The following MEI4 variants were observed in gnomAD, a reference collection of about 807,000 sequenced individuals.
The protein encoded by MEI4 is meiosis-specific protein MEI4.
In MEI4, 27 loss-of-function variants were observed where a neutral mutation model predicts 31.4. That is an observed-to-expected ratio of 0.86 (90% CI 0.63 to 1.19). MEI4 has a LOEUF of 1.19. MEI4 is among the 50% of genes most tolerant of loss of function. MEI4 has a pLI of 0.00. For missense variants in MEI4, 329 were observed against 398.9 expected (o/e 0.82, Z 1.49); for synonymous variants, 122 against 145.4 (o/e 0.84, Z 1.16).
At chr6:77,727,448 G>T (rs928617632) in intron 2 of MEI4, among the ~76,000 whole-genome samples, 11 of 152,272 alleles carry the variant, frequency 7.2e-5, no homozygotes, top group African/African-American at 2.6e-4. Flanking sequence ...GCATTTACCA[G>T]GGACAGTCTG....
chr6:77,663,866 T>A (rs1562196804), intron 1 of MEI4, among the ~76,000 whole-genome samples: 1 of 152,120 alleles, frequency 6.6e-6, no homozygotes, highest in Non-Finnish European at 1.5e-5. Flanking sequence ...TCAGAGAGCC[T>A]TGGGCCAGAG....
intron 2 of MEI4, among the ~76,000 whole-genome samples, chr6:77,734,865 A>T (rs1767137050): frequency 6.6e-6 from 1 of 151,766 alleles, no homozygotes; most frequent in Admixed American, 6.6e-5. Context: ...GCTTGTCTGT[A>T]AAGGATTTTA....
chr6:77,695,143 A>T (rs967811740), intron 2 of MEI4, among the ~76,000 whole-genome samples: 3 of 151,960 alleles, frequency 2.0e-5, no homozygotes, highest in African/African-American at 4.8e-5. Flanking sequence ...GTTTGAGTTC[A>T]TTGTAGATTC....
chr6:77,736,795 G>A (rs1561966131), intron 2 of MEI4, among the ~76,000 whole-genome samples: 1 of 152,074 alleles, frequency 6.6e-6, no homozygotes. Flanking sequence ...AGACCCTGTA[G>A]TCCAGAGAAA....
chr6:77,727,332 T>A (rs144008778), intron 2 of MEI4, among the ~76,000 whole-genome samples: 1 of 152,328 alleles, frequency 6.6e-6, no homozygotes, highest in Non-Finnish European at 1.5e-5. Context: ...CTATCATTTG[T>A]CCTCAGAAGT....
intron 3 of MEI4, among the ~76,000 whole-genome samples, chr6:77,793,621 G>T (rs762627491): frequency 1.4e-4 from 21 of 152,152 alleles, no homozygotes; most frequent in Admixed American, 2.0e-4. Context: ...AGTGTAAAGT[G>T]TGATATCAAT....
At position 77,924,311 on chromosome 6, in the gene MEI4, A is replaced by T. The variant is rs1766792227; in HGVS notation, c.*965A>T. On this transcript the variant is annotated 3_prime_UTR_variant, in exon 5 of 5. Transcript: ENST00000684080. ...ATTCCTAAATGTCGTTGGCATTAAAAGTAATCTTGATAATTCCATCTACAA... is the reference window on the plus strand; with the variant it reads ...ATTCCTAAATGTCGTTGGCATTAAATGTAATCTTGATAATTCCATCTACAA... The T allele has an allele frequency of 6.6e-6, 1 of 151,910 alleles. No individual in the cohort carries two copies. Among genetic ancestry groups the T allele is most frequent in the South Asian group, 2.1e-4 (1 of 4,832 alleles). 9.4% of individuals were successfully genotyped at this position (151,910 alleles called of 1,614,324 possible).
At chr6:77,803,289 C>T (rs973762937) in intron 3 of MEI4, among the ~76,000 whole-genome samples, 16 of 152,206 alleles carry the variant, frequency 1.1e-4, no homozygotes, top group African/African-American at 3.4e-4. Context: ...GTGCATTCGT[C>T]ACATAGCTCT....
At chr6:77,689,774 A>G (rs1479763800) in intron 1 of MEI4, among the ~76,000 whole-genome samples, 1 of 152,018 alleles carries the variant, frequency 6.6e-6, no homozygotes, top group African/African-American at 2.4e-5. Context: ...TGTTAGTAGG[A>G]TAGGTGGGGC....
At chr6:77,784,018 G>A (rs140636530) in intron 3 of MEI4, among the ~76,000 whole-genome samples, 186 of 152,230 alleles carry the variant, frequency 1.2e-3, no homozygotes, top group Non-Finnish European at 1.7e-3. Context: ...GAACTCCAGT[G>A]TGCATTTCTT....
intron 4 of MEI4, among the ~76,000 whole-genome samples, chr6:77,903,747 T>A (rs1331277234): frequency 1.3e-5 from 2 of 152,172 alleles, no homozygotes; most frequent in African/African-American, 4.8e-5. Context: ...CATGAAATGA[T>A]GTTTAATTTT....
At chr6:77,769,455 T>C (rs1768254961) in intron 3 of MEI4, among the ~76,000 whole-genome samples, 1 of 152,040 alleles carries the variant, frequency 6.6e-6, no homozygotes, top group Non-Finnish European at 1.5e-5. Context: ...CCTGCACAAG[T>C]CCTGGTGCTG....
chr6:77,907,384 A>G (rs1437480828), intron 4 of MEI4, among the ~76,000 whole-genome samples: 3 of 151,416 alleles, frequency 2.0e-5, no homozygotes, highest in East Asian at 1.9e-4. Flanking sequence ...GAGAACATGC[A>G]GTGTTTGGTT....
intron 2 of MEI4, among the ~76,000 whole-genome samples, chr6:77,739,960 C>T (rs1767356686): frequency 6.6e-6 from 1 of 152,122 alleles, no homozygotes; most frequent in Non-Finnish European, 1.5e-5. Context: ...TTCCTCCTAA[C>T]CCTGCCTTAG....
intron 3 of MEI4, among the ~76,000 whole-genome samples, chr6:77,766,467 G>T (rs1169753030): frequency 6.6e-6 from 1 of 152,154 alleles, no homozygotes; most frequent in Non-Finnish European, 1.5e-5. Flanking sequence ...AGGCTGGAGT[G>T]CAGTGGCACA....
rs937028875 is a variant in MEI4 at position 77,734,100 on chromosome 6, T to G, written c.233-27030T>G. 6.9e-4 allele frequency among the ~76,000 whole-genome samples: 105 copies of G among 152,064 alleles called. 1 individual carries two copies. The highest frequency in any genetic ancestry group is 1.2e-3 in the Admixed American group (19 of 15,284). On this transcript the variant is annotated intron_variant, in intron 2 of 4. Transcript: ENST00000684080. ...GGTGTGGTGCTGAAAAAAATGTATA[T>G]TCTGTTGATTTGGGGTGGAGAGTTC...
chr6:77,677,711 G>A (rs961860419), intron 1 of MEI4, among the ~76,000 whole-genome samples: 1 of 152,080 alleles, frequency 6.6e-6, no homozygotes, highest in Non-Finnish European at 1.5e-5. Context: ...GATCTGGGCC[G>A]TGAGCCTATA....
intron 4 of MEI4, among the ~76,000 whole-genome samples, chr6:77,855,454 G>T (rs1770723571): frequency 6.6e-6 from 1 of 152,188 alleles, no homozygotes; most frequent in African/African-American, 2.4e-5. Context: ...ACTGCTTATG[G>T]TTCGTAAGGC....
At chr6:77,813,514 T>TC (rs397697353) in intron 3 of MEI4, among the ~76,000 whole-genome samples, 60 of 151,330 alleles carry the variant, frequency 4.0e-4, no homozygotes, top group African/African-American at 1.5e-3. Flanking sequence ...TTTTTTTTTT[T>TC]CATTTTTATT....
Sources: gnomAD v4.1 joint callset for allele counts (sites outside exome capture counted in the v4.1 genomes callset) on GRCh38, gnomAD v4.1.1 for gene constraint, MANE v1.5 for transcripts, NCBI Gene and HGNC (gene_info 2026-07-23, HGNC 2026-07-21) for gene names.